The following ARMC2 variants were observed in gnomAD, a reference collection of about 807,000 sequenced individuals.
ARMC2 encodes armadillo repeat-containing protein 2.
A neutral mutation model predicts 90.3 loss-of-function variants in ARMC2; 67 were observed. The ratio of observed to expected loss-of-function variants is 0.74; its 90% CI spans 0.61 to 0.91. ARMC2 has a LOEUF of 0.91. Among genes scored for constraint, ARMC2 ranks in the 40% least tolerant of loss-of-function variants. ARMC2 has a pLI of 0.00. For synonymous variants in ARMC2, 393 were observed against 393.0 expected (o/e 1.00, Z 0.00); for missense variants, 920 against 1,030.9 (o/e 0.89, Z 1.47).
intron 11 of ARMC2, among the ~76,000 whole-genome samples, chr6:108,932,664 G>A (rs1775663880): frequency 6.6e-6 from 1 of 151,234 alleles, no homozygotes. Context: ...GAGTAGCTGG[G>A]ACTATAGGTG....
At chr6:108,896,601 GACTGAGTA>G (rs1771638094) in intron 6 of ARMC2, among the ~76,000 whole-genome samples, 1 of 152,178 alleles carries the variant, frequency 6.6e-6, no homozygotes, top group Admixed American at 6.5e-5. Context: ...TCATACCAGT[GACTGAGTA>G]ACTTTGGTTC....
chr6:108,853,674 A>G (rs1420432353), intron 1 of ARMC2, among the ~76,000 whole-genome samples: 1 of 152,164 alleles, frequency 6.6e-6, no homozygotes, highest in Non-Finnish European at 1.5e-5. Context: ...TGGTATTGAT[A>G]TTTGGTATTT....
chr6:108,944,099 CA>C (rs1776642847), intron 12 of ARMC2, among the ~76,000 whole-genome samples: 1 of 152,134 alleles, frequency 6.6e-6, no homozygotes, highest in East Asian at 1.9e-4. Flanking sequence ...CCAGTATTGA[CA>C]GCAGAGGGGT....
At chr6:109,010,724 T>C in the ARMC2 span, among the ~76,000 whole-genome samples, 3 of 152,214 alleles carry the variant, frequency 2.0e-5, no homozygotes, top group Non-Finnish European at 4.4e-5. Flanking sequence ...AAATATTTTT[T>C]ACTGGTCAAA....
the ARMC2 span, among the ~76,000 whole-genome samples, chr6:109,035,945 A>T: frequency 6.6e-6 from 1 of 152,040 alleles, no homozygotes; most frequent in African/African-American, 2.4e-5. Flanking sequence ...TCATTACTAA[A>T]CTTCTGTAAC....
At chr6:108,852,333 A>C (rs1774092934) in intron 1 of ARMC2, among the ~76,000 whole-genome samples, 2 of 152,228 alleles carry the variant, frequency 1.3e-5, no homozygotes, top group Admixed American at 1.3e-4. Flanking sequence ...TTATTGTACA[A>C]GTTTCTCACA....
chr6:108,991,779 A>G, the ARMC2 span, among the ~76,000 whole-genome samples: 2 of 152,178 alleles, frequency 1.3e-5, no homozygotes, highest in African/African-American at 4.8e-5. Flanking sequence ...AACCCCACAT[A>G]ATCTAATGTA....
At chr6:108,851,116 T>G (rs1185157618) in intron 1 of ARMC2, among the ~76,000 whole-genome samples, 1 of 152,192 alleles carries the variant, frequency 6.6e-6, no homozygotes, top group African/African-American at 2.4e-5. Context: ...TCTCGCCATT[T>G]AATTTATTTG....
intron 17 of ARMC2, among the ~76,000 whole-genome samples, chr6:108,971,560 G>C (rs1373713097): frequency 2.6e-5 from 4 of 152,122 alleles, no homozygotes; most frequent in African/African-American, 9.7e-5. Flanking sequence ...CAAATATTCA[G>C]TGTAGAAAAT....
the ARMC2 span, among the ~76,000 whole-genome samples, chr6:109,047,438 T>A: frequency 1.5e-5 from 2 of 132,734 alleles, no homozygotes; most frequent in Non-Finnish European, 3.4e-5. Context: ...GGAGCCCCTC[T>A]GCCCGGCCAG....
intron 8 of ARMC2, among the ~76,000 whole-genome samples, chr6:108,909,515 T>A (rs775307344): frequency 6.6e-6 from 1 of 152,010 alleles, no homozygotes; most frequent in Non-Finnish European, 1.5e-5. Context: ...TATTTTTGTA[T>A]GATTTAGAAG....
chr6:108,976,398 T>G (rs1023581752), downstream of ARMC2, among the ~76,000 whole-genome samples: 11 of 152,062 alleles, frequency 7.2e-5, no homozygotes, highest in African/African-American at 2.4e-4. Flanking sequence ...TGCTGTTTTT[T>G]TTACTGTAGC....
chr6:108,863,470 T>C (rs888136310), intron 3 of ARMC2, among the ~76,000 whole-genome samples: 2 of 152,224 alleles, frequency 1.3e-5, no homozygotes, highest in South Asian at 2.1e-4. Context: ...AGCTCCCAGC[T>C]GCTCCACAAG....
the ARMC2 span, among the ~76,000 whole-genome samples, chr6:109,048,480 GCCA>G: frequency 6.6e-6 from 1 of 152,170 alleles, no homozygotes; most frequent in Non-Finnish European, 1.5e-5. Context: ...TGAAAAGGCA[GCCA>G]CCTTCTCTAG....
intron 10 of ARMC2, among the ~76,000 whole-genome samples, chr6:108,913,842 C>T (rs1296719990): frequency 6.6e-6 from 1 of 152,112 alleles, no homozygotes; most frequent in Non-Finnish European, 1.5e-5. Flanking sequence ...TGTTCAGCAC[C>T]TTTTAGTACA....
At position 108,953,014 on chromosome 6, in the gene ARMC2, T is replaced by C; in HGVS notation, c.1597-19T>C. 6.3e-7 allele frequency: 1 copy of C among 1,584,328 alleles called. No individual in the cohort carries two copies. Among genetic ancestry groups the C allele is most frequent in the Non-Finnish European group, 8.6e-7 (1 of 1,162,790 alleles). On this transcript the variant is annotated intron_variant, in intron 12 of 17. Transcript: ENST00000392644. The stretch of plus-strand genomic sequence containing the variant: ...CCAGCCCCCTTTGCACTTTTGACTC[T>C]GTCTTTCGTTTATTGCAGGATTTAG...
At chr6:109,019,851 G>T in the ARMC2 span, among the ~76,000 whole-genome samples, 1 of 152,126 alleles carries the variant, frequency 6.6e-6, no homozygotes, top group Admixed American at 6.5e-5. Flanking sequence ...TATTCAATTA[G>T]ATTTTAAAAA....
At chr6:108,858,634 T>C (rs1326697155) in intron 3 of ARMC2, among the ~76,000 whole-genome samples, 1 of 150,548 alleles carries the variant, frequency 6.6e-6, no homozygotes, top group East Asian at 1.9e-4. Context: ...ATATATCTTA[T>C]ACATATATAA....
At chr6:108,945,120 C>T (rs1776715528) in intron 12 of ARMC2, among the ~76,000 whole-genome samples, 1 of 152,068 alleles carries the variant, frequency 6.6e-6, no homozygotes, top group South Asian at 2.1e-4. Flanking sequence ...CACATATTGT[C>T]TGCTTTATGG....
Sources: allele counts gnomAD v4.1 joint callset (sites outside exome capture counted in the v4.1 genomes callset), GRCh38; gene constraint gnomAD v4.1.1; transcripts MANE v1.5; gene names NCBI Gene and HGNC (gene_info 2026-07-23, HGNC 2026-07-21).